The following RPF2 variants were observed in gnomAD, a reference collection of about 807,000 sequenced individuals.
RPF2 encodes brix domain containing 1.
Under a neutral mutation model 38.9 loss-of-function variants are expected in RPF2, and 21 were observed. The ratio of observed to expected loss-of-function variants is 0.54; its 90% CI spans 0.38 to 0.78. The LOEUF (loss-of-function observed/expected upper bound fraction) is 0.78. Ranked by LOEUF, RPF2 falls within the 30% of genes least tolerant of loss-of-function variation. The pLI is 0.00. For synonymous variants in RPF2, 121 were observed against 126.2 expected, an observed-to-expected ratio of 0.96 and a Z score of 0.28; for missense variants, 314 against 358.1, an observed-to-expected ratio of 0.88 and a Z score of 0.99.
At chr6:110,998,908 G>A (rs914630845) in intron 5 of RPF2, among the ~76,000 whole-genome samples, 1 of 147,580 alleles carries the variant, frequency 6.8e-6, no homozygotes, top group Non-Finnish European at 1.5e-5. Flanking sequence ...TCATGCTATT[G>A]CACTCCAGCC....
chr6:110,994,807 A>G (rs1464045643), intron 4 of RPF2, among the ~76,000 whole-genome samples: 2 of 151,052 alleles, frequency 1.3e-5, no homozygotes, highest in African/African-American at 4.9e-5. Flanking sequence ...AGTATATATG[A>G]GGGGTGTTTT....
At chr6:110,986,797 C>T (rs1226266725) in intron 2 of RPF2, among the ~76,000 whole-genome samples, 1 of 151,702 alleles carries the variant, frequency 6.6e-6, no homozygotes, top group East Asian at 1.9e-4. Context: ...ACTAAAAATG[C>T]AAAAATTAGC....
At position 111,027,779 on chromosome 6, in the gene RPF2, A is replaced by T. The variant is rs779376734; in HGVS notation, c.*2197A>T. ...TCTAATAAGTATTGGAATGCTTCCT[A>T]TTTGCTGATAGAAGTACCAAATAGT... On this transcript the variant is annotated 3_prime_UTR_variant, in exon 10 of 10. Coordinates refer to ENST00000441448, the MANE Select transcript of RPF2 (RefSeq NM_032194.3). The T allele has an allele frequency of 6.6e-6, 1 of 152,212 alleles. No homozygotes were observed. Among genetic ancestry groups the T allele is most frequent in the East Asian group, 1.9e-4 (1 of 5,196 alleles). 9.4% of individuals were successfully genotyped at this position (152,212 alleles called of 1,614,324 possible).
chr6:110,999,844 A>G (rs1771783638), intron 6 of RPF2, 57 bp downstream of exon 6: 1 of 968,218 alleles, frequency 1.0e-6, no homozygotes, highest in African/African-American at 1.6e-5. Context: ...ACCAGTAGTG[A>G]CATCTTGTGG....
chr6:110,990,759 G>A (rs1368797362), intron 3 of RPF2, among the ~76,000 whole-genome samples: 1 of 151,982 alleles, frequency 6.6e-6, no homozygotes, highest in African/African-American at 2.4e-5. Flanking sequence ...TTTTAGTAGA[G>A]ACAGGGTTTC....
rs183412129 is a variant in RPF2 at position 110,996,880 on chromosome 6, C to A, written c.235-303C>A. On this transcript the variant is annotated intron_variant, in intron 4 of 9. Coordinates refer to ENST00000441448, the MANE Select transcript of RPF2 (RefSeq NM_032194.3). ...GCAGTGTCGCATTCTCAGCTCACTG[C>A]AACCTCTGCCTTCTGGGTTCAAGCG... Among the ~76,000 whole-genome samples, 299 of 152,278 alleles carry A rather than the reference C, an allele frequency of 2.0e-3. 3 individuals are homozygous for A. The highest frequency in any genetic ancestry group is 7.1e-3 in the African/African-American group (294 of 41,566).
intron 6 of RPF2, among the ~76,000 whole-genome samples, chr6:111,003,225 T>C (rs1771843957): frequency 6.6e-6 from 1 of 152,208 alleles, no homozygotes; most frequent in South Asian, 2.1e-4. Context: ...TAAGACGTTG[T>C]GCTAGATATT....
chr6:110,992,989 G>A (rs1771645742), intron 4 of RPF2, among the ~76,000 whole-genome samples: 1 of 152,110 alleles, frequency 6.6e-6, no homozygotes, highest in Admixed American at 6.6e-5. Flanking sequence ...TTGAAATAGG[G>A]TCTGGCTCTG....
intron 3 of RPF2, among the ~76,000 whole-genome samples, chr6:110,989,695 G>A (rs930352667): frequency 2.2e-5 from 3 of 136,930 alleles, no homozygotes; most frequent in African/African-American, 2.8e-5. Context: ...GCATGATCTC[G>A]CCTCGCTGCA....
At chr6:110,984,576 C>T (rs1425942043) in intron 1 of RPF2, among the ~76,000 whole-genome samples, 2 of 152,188 alleles carry the variant, frequency 1.3e-5, no homozygotes, top group Non-Finnish European at 2.9e-5. Flanking sequence ...CCTTGTGGCT[C>T]GCACCTGTAA....
At chr6:111,021,203 G>A (rs1363359843) in intron 8 of RPF2, among the ~76,000 whole-genome samples, 1 of 151,698 alleles carries the variant, frequency 6.6e-6, no homozygotes, top group East Asian at 1.9e-4. Flanking sequence ...TAAAAAACTA[G>A]CAGTGTAACT....
At chr6:111,019,697 C>T (rs1315880604) in intron 8 of RPF2, among the ~76,000 whole-genome samples, 1 of 152,030 alleles carries the variant, frequency 6.6e-6, no homozygotes, top group African/African-American at 2.4e-5. Context: ...AGCACTCCAG[C>T]CTGGGCAACA....
rs944455605 is a variant in RPF2, at chr6:110,995,017, A to G, written c.235-2166A>G. ...CCTCCCGGGTTCAAGCGATCCTCCCACCTCAGTCTCCTGAGTAGCTGGGAC... is the reference window on the plus strand; with the variant it reads ...CCTCCCGGGTTCAAGCGATCCTCCCGCCTCAGTCTCCTGAGTAGCTGGGAC... On this transcript the variant is annotated intron_variant, in intron 4 of 9. Coordinates refer to ENST00000441448, the MANE Select transcript of RPF2 (RefSeq NM_032194.3). Among the ~76,000 whole-genome samples, 3 of 151,798 alleles carry G rather than the reference A, an allele frequency of 2.0e-5. No individual in the cohort carries two copies. The East Asian group carries it at 5.8e-4, about 29-fold the overall frequency.
Position 111,011,272 on chromosome 6 carries a change from G to T in RPF2, c.493+3135G>T, listed in dbSNP as rs1204120973. Among the ~76,000 whole-genome samples, 11 of 147,682 alleles carry T rather than the reference G, an allele frequency of 7.4e-5. No individual in the cohort carries two copies. The Admixed American group carries it at 7.5e-4, about 10-fold the overall frequency. On this transcript the variant is annotated intron_variant, in intron 7 of 9. Coordinates refer to ENST00000441448, the MANE Select transcript of RPF2 (RefSeq NM_032194.3). ...TATTATATATCCCAAATTATCAAGG[G>T]TATTTTTCTTTCTTTCTTTCTTTCT...
In RPF2 at chr6:110,994,540, G is replaced by C. The variant is rs559132836; in HGVS notation, c.235-2643G>C. On this transcript the variant is annotated intron_variant, in intron 4 of 9. Transcript: ENST00000441448. The stretch of plus-strand genomic sequence containing the variant: ...TTTGAGGTTATAGTGAGCCATGATT[G>C]CACCACAGCACTTTTAGCCTGGGCA... 2.0e-5 allele frequency among the ~76,000 whole-genome samples: 3 copies of C among 151,796 alleles called. No homozygotes were observed. In the East Asian group the frequency reaches 5.9e-4, roughly 30 times the overall value.
rs550653420 is a variant in RPF2 at position 110,992,943 on chromosome 6, T to G, written c.234+1157T>G. On this transcript the variant is annotated intron_variant, in intron 4 of 9. Transcript: ENST00000441448. The stretch of plus-strand genomic sequence containing the variant: ...AAAATAAAAATAAAAAAACTTAATA[T>G]GATTATGTTTTCTTGATAGGAACCC... Among the ~76,000 whole-genome samples, 4 of 152,206 alleles carry G rather than the reference T, an allele frequency of 2.6e-5. No homozygotes were observed. In the South Asian group the frequency reaches 8.3e-4, roughly 32 times the overall value.
chr6:111,024,681 C>G (rs1232317970), intron 9 of RPF2, among the ~76,000 whole-genome samples: 2 of 148,832 alleles, frequency 1.3e-5, no homozygotes, highest in African/African-American at 2.5e-5. Context: ...CCATTGCACT[C>G]CAGCGTGGGT....
At chr6:111,023,986 C>CAA (rs145252047) in intron 8 of RPF2, among the ~76,000 whole-genome samples, 197 bp from the exon 9 acceptor site, 162 of 136,968 alleles carry the variant, frequency 1.2e-3, no homozygotes, top group Middle Eastern at 7.7e-3. Flanking sequence ...GACTCCGTCT[C>CAA]AAAAAAAAAA....
intron 7 of RPF2, among the ~76,000 whole-genome samples, chr6:111,014,508 A>G (rs1772074349): frequency 6.6e-6 from 1 of 152,204 alleles, no homozygotes; most frequent in African/African-American, 2.4e-5. Flanking sequence ...ACATGGAGAT[A>G]ATCTGCATCT....
Sources: gnomAD v4.1 joint callset for allele counts (sites outside exome capture counted in the v4.1 genomes callset) on GRCh38, gnomAD v4.1.1 for gene constraint, MANE v1.5 for transcripts, NCBI Gene and HGNC (gene_info 2026-07-23, HGNC 2026-07-21) for gene names.